Variants in GRIA4 observed in about 807,000 individuals in gnomAD.
GRIA4 encodes the protein glutamate ionotropic receptor AMPA type subunit 4, also known as glutamate receptor 4.
A neutral mutation model predicts 104.0 loss-of-function variants in GRIA4; 34 were observed. The observed-to-expected ratio is 0.33, with a 90% CI of 0.25 to 0.44. The LOEUF is 0.44. Ranked by LOEUF, GRIA4 falls within the 20% of genes least tolerant of loss-of-function variation. GRIA4 has a pLI of 1.00. For missense variants in GRIA4, 750 were observed against 1,096.5 expected (o/e 0.68, Z 4.46); for synonymous variants, 386 against 381.9 (o/e 1.01, Z -0.13).
intron 14 of GRIA4, among the ~76,000 whole-genome samples, chr11:105,948,595 G>GTTTTTTTTTTTTT (rs3060323): frequency 6.8e-5 from 6 of 87,866 alleles, no homozygotes; most frequent in South Asian, 4.7e-4. Context: ...TTTTCTTTTT[G>GTTTTTTTTTTTTT]TTTTTTTTTT....
chr11:105,650,562 A>G (rs979414743), intron 3 of GRIA4, among the ~76,000 whole-genome samples: 2 of 152,224 alleles, frequency 1.3e-5, no homozygotes, highest in Non-Finnish European at 2.9e-5. Flanking sequence ...GAACACATCA[A>G]GACAAGGAAA....
chr11:105,650,682 CA>C (rs1192591030), intron 3 of GRIA4, among the ~76,000 whole-genome samples: 2 of 152,076 alleles, frequency 1.3e-5, no homozygotes, highest in Non-Finnish European at 2.9e-5. Flanking sequence ...TGAGTCTCTG[CA>C]ATTCTGATCC....
In GRIA4 at chr11:105,912,950, T is replaced by C. The variant is rs1947298608; in HGVS notation, c.1269+2405T>C. 8.2e-6 allele frequency: 8 copies of C among 978,090 alleles called. No homozygotes were observed. In the South Asian group the frequency reaches 2.8e-4, roughly 35 times the overall value. The allele number at this position is 978,090 out of a possible 1,614,324, so 60.6% of individuals were successfully genotyped here. ...TATATGTGATACCTATATCTAGATATAGAAGGCTGAGAGTGAGCACTGGAT... is the reference window on the plus strand; with the variant it reads ...TATATGTGATACCTATATCTAGATACAGAAGGCTGAGAGTGAGCACTGGAT... On this transcript the variant is annotated intron_variant, in intron 10 of 16. Transcript: ENST00000282499.
intron 3 of GRIA4, among the ~76,000 whole-genome samples, chr11:105,724,939 T>C (rs1938101776): frequency 6.6e-6 from 1 of 152,188 alleles, no homozygotes; most frequent in African/African-American, 2.4e-5. Context: ...AGGTTGTCTA[T>C]ATGTTCAATT....
At chr11:105,896,504 C>A (rs1020954249) in intron 6 of GRIA4, among the ~76,000 whole-genome samples, 3 of 151,956 alleles carry the variant, frequency 2.0e-5, no homozygotes, top group Non-Finnish European at 4.4e-5. Context: ...TTGTCTAGGC[C>A]AATATCCAGA....
At chr11:105,743,662 C>T (rs1293932817) in intron 3 of GRIA4, among the ~76,000 whole-genome samples, 2 of 152,162 alleles carry the variant, frequency 1.3e-5, no homozygotes, top group Admixed American at 1.3e-4. Flanking sequence ...GGACCTCAAA[C>T]TCAACATGTC....
chr11:105,951,721 T>A (rs1329863686), intron 14 of GRIA4, among the ~76,000 whole-genome samples: 2 of 152,122 alleles, frequency 1.3e-5, no homozygotes, highest in Non-Finnish European at 2.9e-5. Flanking sequence ...ACACTTGTAA[T>A]CCCAGGCAGG....
intron 14 of GRIA4, among the ~76,000 whole-genome samples, chr11:105,940,829 A>C (rs1948164970): frequency 6.6e-6 from 1 of 151,936 alleles, no homozygotes; most frequent in Admixed American, 6.6e-5. Context: ...TTTAATTTAA[A>C]AAAAAGATAA....
At chr11:105,775,363 A>C (rs1212518725) in intron 4 of GRIA4, among the ~76,000 whole-genome samples, 1 of 152,198 alleles carries the variant, frequency 6.6e-6, no homozygotes, top group East Asian at 1.9e-4. Context: ...TACCATACAA[A>C]ATAGTAAATA....
intron 3 of GRIA4, among the ~76,000 whole-genome samples, chr11:105,625,275 T>G (rs1011750021): frequency 1.3e-5 from 2 of 152,112 alleles, no homozygotes; most frequent in African/African-American, 4.8e-5. Context: ...TGTTCTGTAC[T>G]CATATGTTTG....
At chr11:105,737,379 T>C (rs952873246) in intron 3 of GRIA4, among the ~76,000 whole-genome samples, 4 of 152,152 alleles carry the variant, frequency 2.6e-5, no homozygotes, top group Non-Finnish European at 4.4e-5. Flanking sequence ...TACATGTGAA[T>C]ATTAACCATG....
chr11:105,688,478 G>A lies in GRIA4; in HGVS notation c.248-64503G>A, dbSNP rs554271969. On this transcript the variant is annotated intron_variant, in intron 3 of 16. Transcript: ENST00000282499. ...GGGGAGGCTGAGGCAGGAGAATGGC[G>A]TGAACCTGGGGCACGCGGAGCTTGT... Among the ~76,000 whole-genome samples, 319 of 152,172 alleles carry A rather than the reference G, an allele frequency of 2.1e-3. 1 individual carries two copies. The highest frequency in any genetic ancestry group is 7.2e-3 in the African/African-American group (297 of 41,532).
chr11:105,670,823 T>C (rs1430647979), intron 3 of GRIA4, among the ~76,000 whole-genome samples: 1 of 152,120 alleles, frequency 6.6e-6, no homozygotes, highest in Admixed American at 6.6e-5. Context: ...TAAAACAGCA[T>C]CAATTTATTA....
chr11:105,917,085 C>T (rs1431857842), intron 10 of GRIA4, among the ~76,000 whole-genome samples: 2 of 152,218 alleles, frequency 1.3e-5, no homozygotes, highest in Non-Finnish European at 1.5e-5. Context: ...TTTATAACCA[C>T]ATTTGCTAAA....
intron 3 of GRIA4, among the ~76,000 whole-genome samples, chr11:105,661,195 C>T (rs1951998278): frequency 6.6e-6 from 1 of 151,456 alleles, no homozygotes; most frequent in Admixed American, 6.6e-5. Flanking sequence ...ACTATGTTAG[C>T]AGGGTCTGGA....
At chr11:105,853,187 G>C (rs1172386677) in intron 4 of GRIA4, among the ~76,000 whole-genome samples, 8 of 152,100 alleles carry the variant, frequency 5.3e-5, no homozygotes, top group Non-Finnish European at 1.0e-4. Context: ...AGTCAGTTTT[G>C]CAGGTTAGCT....
chr11:105,821,696 A>G (rs761624643), intron 4 of GRIA4, among the ~76,000 whole-genome samples: 6 of 152,124 alleles, frequency 3.9e-5, no homozygotes, highest in Non-Finnish European at 5.9e-5. Flanking sequence ...TTACAATTCA[A>G]CGTGAGATTT....
chr11:105,884,296 G>A (rs1413703140), intron 5 of GRIA4, among the ~76,000 whole-genome samples: 6 of 152,190 alleles, frequency 3.9e-5, no homozygotes, highest in Admixed American at 1.3e-4. Flanking sequence ...AATTACATAG[G>A]AGATACAAGG....
chr11:105,954,122 T>C (rs1412979863), intron 14 of GRIA4, among the ~76,000 whole-genome samples: 1 of 152,164 alleles, frequency 6.6e-6, no homozygotes, highest in East Asian at 1.9e-4. Flanking sequence ...TGCTCATACT[T>C]CTCTGCCTGA....
Sources: allele counts gnomAD v4.1 joint callset (sites outside exome capture counted in the v4.1 genomes callset), GRCh38; gene constraint gnomAD v4.1.1; transcripts MANE v1.5; gene names NCBI Gene and HGNC (gene_info 2026-07-23, HGNC 2026-07-21).